MBD5: variants seen among roughly 807,000 people sequenced by gnomAD.
MBD5 encodes methyl-CpG binding domain protein 5, also known as methyl-CpG-binding domain protein 5.
A neutral mutation model predicts 117.3 loss-of-function variants in MBD5; 13 were observed. That is an observed-to-expected ratio of 0.11 (90% CI 0.07 to 0.18). The LOEUF is 0.18. Ranked by LOEUF, MBD5 falls within the 10% of genes least tolerant of loss-of-function variation. The pLI, the probability that MBD5 is intolerant of heterozygous loss-of-function variation, is 1.00. For synonymous variants in MBD5, 727 were observed against 766.4 expected, an observed-to-expected ratio of 0.95 and a Z score of 0.85; for missense variants, 1,879 against 2,093.8, an observed-to-expected ratio of 0.90 and a Z score of 2.00.
Position 148,120,666 on chromosome 2 carries a change from C to T in MBD5, c.-924-58034C>T, listed in dbSNP as rs1193149595. ...ACCTTACTGAACTCATTTATTACCT[C>T]TAATAGGTCTTTTGTTGATTTCTTA... is the stretch of plus-strand genomic sequence containing the variant. On this transcript the variant is annotated intron_variant, in intron 1 of 13. Transcript: ENST00000642680. Among the ~76,000 whole-genome samples, 3 of 152,302 alleles carry T rather than the reference C, an allele frequency of 2.0e-5. No individual in the cohort carries two copies. In the East Asian group the frequency reaches 5.8e-4, roughly 29 times the overall value.
rs1044087238 is a variant in MBD5 at position 148,516,357 on chromosome 2, T to C, written c.*3416T>C. 2.6e-5 allele frequency: 4 copies of C among 152,200 alleles called. No homozygotes were observed. The highest frequency in any genetic ancestry group is 5.9e-5 in the Non-Finnish European group (4 of 68,020). 9.4% of individuals were successfully genotyped at this position (152,200 alleles called of 1,614,324 possible). ...GAAAAGAAAGACAAAATACTAGACCTTGCTGAAAATTGGATATCTTATTTA... is the reference window on the plus strand; with the variant it reads ...GAAAAGAAAGACAAAATACTAGACCCTGCTGAAAATTGGATATCTTATTTA... On this transcript the variant is annotated 3_prime_UTR_variant, in exon 14 of 14. Transcript: ENST00000642680.
chr2:148,213,500 G>C (rs1699479841), intron 2 of MBD5, among the ~76,000 whole-genome samples: 1 of 152,148 alleles, frequency 6.6e-6, no homozygotes, highest in African/African-American at 2.4e-5. Flanking sequence ...TACTTAAACA[G>C]TATTTGACTT....
chr2:148,232,511 G>A (rs1000649136), intron 2 of MBD5, among the ~76,000 whole-genome samples: 3 of 152,028 alleles, frequency 2.0e-5, no homozygotes, highest in Admixed American at 6.6e-5. Context: ...GCGTCTCACT[G>A]TTACCTAATT....
intron 3 of MBD5, among the ~76,000 whole-genome samples, chr2:148,287,496 A>C (rs1701392397): frequency 6.6e-6 from 1 of 152,194 alleles, no homozygotes; most frequent in South Asian, 2.1e-4. Context: ...TTCGGTAATG[A>C]ATATTCAGGT....
intron 3 of MBD5, among the ~76,000 whole-genome samples, chr2:148,290,606 T>A (rs926040487): frequency 1.3e-5 from 2 of 152,160 alleles, no homozygotes; most frequent in Non-Finnish European, 2.9e-5. Flanking sequence ...AACCCCAGGC[T>A]CTTCCCCGCT....
rs768860204 is a variant in MBD5 at position 148,489,570 on chromosome 2, C to G, written c.3938C>G (p.Pro1313Arg). The G allele has an allele frequency of 3.1e-6, 5 of 1,614,000 alleles. No homozygotes were observed. In the African/African-American group the frequency reaches 4.0e-5, roughly 13 times the overall value. ...QVKDGLVVGG[P>R]GDASVDAIYK... is the part of the protein sequence containing the mutation. ...AAGGATGGCCTCGTTGTGGGTGGCC[C>G]AGGTGATGCTTCCGTAGATGCCATT... is the stretch of plus-strand genomic sequence containing the variant. Residue 1313 changes from proline to arginine, a missense_variant, in exon 11 of 14, where the codon CCA (proline) becomes CGA (arginine). Physicochemically the swap from Pro to Arg is moderately radical, Grantham distance 103. Coordinates refer to ENST00000642680, the MANE Select transcript of MBD5 (RefSeq NM_001378120.1).
Position 148,021,670 on chromosome 2 carries a change from T to TG in MBD5, c.-933dup. Reference sequence around the variant, plus strand: ...CAGCTCCAGGGAAGGCACTCAAAAGTGGGGGGCAGGAAAGGTAAGTGTGTC... The same window carrying TG: ...CAGCTCCAGGGAAGGCACTCAAAAGTGGGGGGGCAGGAAAGGTAAGTGTGTC... On this transcript the variant is annotated 5_prime_UTR_variant, in exon 1 of 14. Transcript: ENST00000642680. The TG allele has an allele frequency of 2.6e-6, 1 of 385,160 alleles. No individual in the cohort carries two copies. The highest frequency in any genetic ancestry group is 5.1e-6 in the Non-Finnish European group (1 of 194,898). 23.9% of individuals were successfully genotyped at this position (385,160 alleles called of 1,614,324 possible).
chr2:148,074,589 C>T (rs1249845392), intron 1 of MBD5, among the ~76,000 whole-genome samples: 2 of 149,078 alleles, frequency 1.3e-5, no homozygotes, highest in Non-Finnish European at 3.0e-5. Flanking sequence ...CAACCTCTGC[C>T]CTCCCCGGGT....
intron 3 of MBD5, among the ~76,000 whole-genome samples, chr2:148,302,438 G>T (rs1701794145): frequency 6.6e-6 from 1 of 152,164 alleles, no homozygotes; most frequent in Admixed American, 6.5e-5. Context: ...GAACAGGCTA[G>T]AGCAATATTT....
intron 4 of MBD5, among the ~76,000 whole-genome samples, chr2:148,425,415 G>C (rs1354968076): frequency 1.3e-5 from 2 of 152,128 alleles, no homozygotes; most frequent in Non-Finnish European, 2.9e-5. Context: ...ACCAAAAAAA[G>C]TCCAGGACTA....
chr2:148,183,160 G>A (rs1254996883), intron 2 of MBD5, among the ~76,000 whole-genome samples: 1 of 152,048 alleles, frequency 6.6e-6, no homozygotes, highest in African/African-American at 2.4e-5. Flanking sequence ...AGTAAGTGTT[G>A]CAGAAGAAAT....
At chr2:148,148,623 TC>T (rs1361164616) in intron 1 of MBD5, among the ~76,000 whole-genome samples, 1 of 152,196 alleles carries the variant, frequency 6.6e-6, no homozygotes, top group Admixed American at 6.5e-5. Context: ...CTTTGTCTAT[TC>T]CTTTTTAGAT....
rs114314967 is a variant in MBD5 at position 148,469,973 on chromosome 2, G to A, written c.2030G>A (p.Ser677Asn). ...LSLLRQSQMD[S>N]SAVPKPGPDL... Reference sequence around the variant, plus strand: ...TTGCTCAGACAGTCTCAAATGGATAGTTCTGCAGTTCCTAAACCTGGACCT... The same window carrying A: ...TTGCTCAGACAGTCTCAAATGGATAATTCTGCAGTTCCTAAACCTGGACCT... The change falls in exon 8 of 14, where the codon AGT becomes AAT. Residue 677 changes from serine (S) to asparagine (N), a missense_variant. Ser to Asn is a conservative substitution (Grantham distance 46, BLOSUM62 1). This residue lies in a region of MBD5 where 1,666 missense variants were observed against 1,792.2 expected (regional missense o/e 0.93). Transcript: ENST00000642680. 3,817 of 1,613,950 alleles carry A rather than the reference G, an allele frequency of 2.4e-3. 11 individuals are homozygous for A. The highest frequency in any genetic ancestry group is 0.01 in the Middle Eastern group (63 of 6,058).
chr2:148,413,858 CT>C (rs1705340395), intron 4 of MBD5, among the ~76,000 whole-genome samples: 1 of 143,418 alleles, frequency 7.0e-6, no homozygotes, highest in African/African-American at 2.6e-5. Context: ...AATCTTTTTT[CT>C]TTTTTCTTTA....
intron 3 of MBD5, among the ~76,000 whole-genome samples, chr2:148,288,072 T>G (rs1011798649): frequency 2.6e-5 from 4 of 151,316 alleles, no homozygotes; most frequent in Admixed American, 6.6e-5. Context: ...GTTATGTTGG[T>G]GTGTGTGTGT....
At chr2:148,199,176 C>T (rs1245680647) in intron 2 of MBD5, among the ~76,000 whole-genome samples, 1 of 152,122 alleles carries the variant, frequency 6.6e-6, no homozygotes, top group Admixed American at 6.6e-5. Flanking sequence ...TATATCTCAG[C>T]TTTGCTCTTA....
intron 3 of MBD5, among the ~76,000 whole-genome samples, chr2:148,247,852 A>C (rs140114846): frequency 6.6e-6 from 1 of 152,286 alleles, no homozygotes; most frequent in African/African-American, 2.4e-5. Context: ...ATAAAATTTA[A>C]ACTTTATGTC....
In MBD5 at chr2:148,462,616, G is replaced by A; in HGVS notation, c.148G>A (p.Val50Ile). 1 of 1,612,690 alleles carries A rather than the reference G, an allele frequency of 6.2e-7. No individual in the cohort carries two copies. The highest frequency in any genetic ancestry group is 1.3e-5 in the African/African-American group (1 of 74,932). ...GTCTTTGTTATCTTGCTTGGAGCAG[G>A]TTAAAACATACCTGCTTACTGATGG... is the stretch of plus-strand genomic sequence containing the variant. ...SGSLLSCLEQ[V>I]KTYLLTDGTC... The change falls in exon 6 of 14, where the codon GTT (valine) becomes ATT (isoleucine). Residue 50 changes from valine (V) to isoleucine (I), a missense_variant. This residue lies in a region of MBD5 where 71 missense variants were observed against 129.2 expected (regional missense o/e 0.55). Coordinates refer to ENST00000642680, the MANE Select transcript of MBD5 (RefSeq NM_001378120.1).
intron 11 of MBD5, among the ~76,000 whole-genome samples, chr2:148,493,725 G>A (rs985690693): frequency 6.6e-6 from 1 of 152,176 alleles, no homozygotes; most frequent in Non-Finnish European, 1.5e-5. Context: ...GGTCTTTGGT[G>A]GGATAGTAAA....
Sources: gnomAD v4.1 joint callset for allele counts (sites outside exome capture counted in the v4.1 genomes callset) on GRCh38, gnomAD v4.1.1 for gene constraint, gnomAD v4.1.1 regional missense constraint, MANE v1.5 for transcripts, NCBI Gene and HGNC (gene_info 2026-07-23, HGNC 2026-07-21) for gene names.